Variants in COQ5 observed in about 807,000 individuals in gnomAD.
The protein encoded by COQ5 is coenzyme Q5, methyltransferase.
COQ5 carries 27 observed loss-of-function variants against 40.5 expected under a neutral mutation model. That is an observed-to-expected ratio of 0.67 (90% CI 0.49 to 0.92). The LOEUF is 0.92. Among genes scored for constraint, COQ5 ranks in the 40% least tolerant of loss-of-function variants. The pLI, the probability that COQ5 is intolerant of heterozygous loss-of-function variation, is 0.00. For missense variants in COQ5, 409 were observed against 406.4 expected, an observed-to-expected ratio of 1.01 and a Z score of -0.06; for synonymous variants, 141 against 150.0, an observed-to-expected ratio of 0.94 and a Z score of 0.44.
intron 2 of COQ5, among the ~76,000 whole-genome samples, chr12:120,519,525 A>C (rs963663684): frequency 6.6e-6 from 1 of 151,844 alleles, no homozygotes; most frequent in Non-Finnish European, 1.5e-5. Context: ...ATGCCATTGC[A>C]CTCCAGCCGG....
intron 2 of COQ5, among the ~76,000 whole-genome samples, chr12:120,517,375 A>T (rs1022868645): frequency 4.6e-5 from 7 of 150,542 alleles, no homozygotes; most frequent in Non-Finnish European, 1.0e-4. Context: ...ATAAATAAAT[A>T]AAATAAAAAC....
chr12:120,528,128 G>T (rs889981857), intron 1 of COQ5, among the ~76,000 whole-genome samples: 20 of 151,358 alleles, frequency 1.3e-4, no homozygotes, highest in Admixed American at 2.6e-4. Flanking sequence ...CTTGAACCTA[G>T]GAGGCTGAGG....
intron 2 of COQ5, among the ~76,000 whole-genome samples, chr12:120,520,323 T>A (rs919957272): frequency 7.3e-5 from 11 of 150,100 alleles, no homozygotes; most frequent in African/African-American, 2.7e-4. Flanking sequence ...TATTTTATTT[T>A]ATTTTTAATT....
intron 1 of COQ5, 107 bp downstream of exon 1, chr12:120,528,833 G>T: frequency 5.7e-6 from 6 of 1,059,546 alleles, no homozygotes; most frequent in Non-Finnish European, 7.4e-6. Flanking sequence ...TAACTGCACA[G>T]ACAACAACAC....
intron 1 of COQ5, chr12:120,522,819 G>A: frequency 1.5e-6 from 1 of 673,424 alleles, no homozygotes; most frequent in Non-Finnish European, 2.6e-6. Flanking sequence ...CTGGGGGTGG[G>A]CAATGTAGGC....
chr12:120,529,111 T>C lies in COQ5; in HGVS notation c.31A>G (p.Ser11Gly). 1.2e-6 allele frequency: 2 copies of C among 1,613,780 alleles called. No homozygotes were observed. The highest frequency in any genetic ancestry group is 2.2e-5 in the East Asian group (1 of 44,842). The change falls in exon 1 of 7, where the codon AGC becomes GGC. Residue 11 changes from serine to glycine, a missense_variant. Transcript: ENST00000288532. MAAPGSCALW[S>G]YCGRGWSRAM... ...CGCGACCACCCACGGCCGCAATAGC[T>C]CCATAGAGCACAGCTCCCGGGGGCC... is the stretch of plus-strand genomic sequence containing the variant.
At position 120,503,705 on chromosome 12, in the gene COQ5, G is replaced by T; in HGVS notation, c.*79C>A. On this transcript the variant is annotated 3_prime_UTR_variant, in exon 7 of 7. Transcript: ENST00000288532. ...CCTTAAGAGGAGATGCTCTGCTGCTGTCTCATTTGCCAGATTATCCTTCAG... is the reference window on the plus strand; with the variant it reads ...CCTTAAGAGGAGATGCTCTGCTGCTTTCTCATTTGCCAGATTATCCTTCAG... The T allele has an allele frequency of 9.9e-7, 1 of 1,011,384 alleles. No homozygotes were observed. The highest frequency in any genetic ancestry group is 1.6e-6 in the Non-Finnish European group (1 of 638,616). 62.7% of individuals were successfully genotyped at this position (1,011,384 alleles called of 1,614,324 possible).
intron 1 of COQ5, among the ~76,000 whole-genome samples, chr12:120,528,167 A>G (rs1476798820): frequency 6.6e-6 from 1 of 151,412 alleles, no homozygotes; most frequent in East Asian, 1.9e-4. Context: ...GCGCCATTGC[A>G]CTCCAGCCTG....
intron 4 of COQ5, among the ~76,000 whole-genome samples, chr12:120,507,139 T>C (rs2137078512): frequency 6.6e-6 from 1 of 152,320 alleles, no homozygotes. Context: ...CAGCACATTC[T>C]ATTTTATGAA....
intron 1 of COQ5, 60 bp from the exon 2 acceptor site, chr12:120,522,423 AAAC>A (rs1345512081): frequency 2.1e-5 from 33 of 1,572,866 alleles, no homozygotes; most frequent in South Asian, 1.8e-4. Flanking sequence ...GAAAAATCCT[AAAC>A]AAAAAAGGAG....
chr12:120,516,727 C>T lies in COQ5; in HGVS notation c.414G>A (p.Arg138=). The T allele has an allele frequency of 6.2e-7, 1 of 1,614,174 alleles. No individual in the cohort carries two copies. The highest frequency in any genetic ancestry group is 1.6e-4 in the Middle Eastern group (1 of 6,062). ...VQSQHQRKQK[R]QLRAQQNLSW... The stretch of plus-strand genomic sequence containing the variant: ...ATAAATTTTGTTGGGCCCTTAACTG[C>T]CTCTTCTGTTTTCTCTGATGCTGGG... The change falls in exon 3 of 7, where the codon AGG becomes AGA. Residue 138 remains arginine (R), a synonymous_variant. Coordinates refer to ENST00000288532, the MANE Select transcript of COQ5 (RefSeq NM_032314.4).
chr12:120,522,498 T>G (rs887987985), intron 1 of COQ5, 135 bp from the exon 2 acceptor site: 2 of 799,002 alleles, frequency 2.5e-6, no homozygotes, highest in Non-Finnish European at 4.3e-6. Context: ...TAATGCTTGA[T>G]GCCCAAATCT....
In COQ5 at chr12:120,503,701, T is replaced by A. The variant is rs768929598; in HGVS notation, c.*83A>T. On this transcript the variant is annotated 3_prime_UTR_variant, in exon 7 of 7. Coordinates refer to ENST00000288532, the MANE Select transcript of COQ5 (RefSeq NM_032314.4). Reference sequence around the variant, plus strand: ...GTATCCTTAAGAGGAGATGCTCTGCTGCTGTCTCATTTGCCAGATTATCCT... The same window carrying A: ...GTATCCTTAAGAGGAGATGCTCTGCAGCTGTCTCATTTGCCAGATTATCCT... 1.0e-6 allele frequency: 1 copy of A among 959,960 alleles called. No individual in the cohort carries two copies. Among genetic ancestry groups the A allele is most frequent in the South Asian group, 1.3e-5 (1 of 75,386 alleles). The allele number at this position is 959,960 out of a possible 1,614,324, so 59.5% of individuals were successfully genotyped here.
chr12:120,525,301 T>C (rs1458152615), intron 1 of COQ5, among the ~76,000 whole-genome samples: 1 of 152,090 alleles, frequency 6.6e-6, no homozygotes, highest in African/African-American at 2.4e-5. Context: ...GGTTTCACCA[T>C]GTTGGCCAGC....
intron 3 of COQ5, 96 bp downstream of exon 3, chr12:120,516,471 A>G: frequency 2.7e-6 from 3 of 1,109,720 alleles, no homozygotes; most frequent in Non-Finnish European, 4.1e-6. Context: ...AAGTTTCTGA[A>G]AGCCAAAAGA....
chr12:120,510,705 T>G (rs1869091558), intron 3 of COQ5, among the ~76,000 whole-genome samples: 1 of 152,162 alleles, frequency 6.6e-6, no homozygotes, highest in South Asian at 2.1e-4. Context: ...ACTAAAAGTA[T>G]TAACTGAGTT....
intron 3 of COQ5, among the ~76,000 whole-genome samples, chr12:120,510,354 C>T (rs1593015982): frequency 6.6e-6 from 1 of 152,228 alleles, no homozygotes; most frequent in East Asian, 1.9e-4. Context: ...TGCTTTCTCA[C>T]CCAGGCTGGA....
chr12:120,528,524 C>T (rs1870071531), intron 1 of COQ5, among the ~76,000 whole-genome samples: 1 of 152,020 alleles, frequency 6.6e-6, no homozygotes, highest in Admixed American at 6.6e-5. Context: ...AAAAAGGGGG[C>T]GTCTGGCTGG....
At chr12:120,508,230 G>A (rs10431381) in intron 4 of COQ5, among the ~76,000 whole-genome samples, 1 of 151,904 alleles carries the variant, frequency 6.6e-6, no homozygotes, top group African/African-American at 2.4e-5. Flanking sequence ...TCCTGACCTC[G>A]TGATCTGCCC....
Sources: allele counts gnomAD v4.1 joint callset (sites outside exome capture counted in the v4.1 genomes callset), GRCh38; gene constraint gnomAD v4.1.1; transcripts MANE v1.5; gene names NCBI Gene and HGNC (gene_info 2026-07-23, HGNC 2026-07-21).